Variants in SNTG1 observed in about 807,000 individuals in gnomAD.
The protein encoded by SNTG1 is syntrophin gamma 1.
SNTG1 carries 39 observed loss-of-function variants against 74.7 expected under a neutral mutation model. The observed-to-expected ratio is 0.52, with a 90% CI of 0.40 to 0.68. SNTG1 has a LOEUF of 0.68. SNTG1 is among the 30% of genes least tolerant of loss of function. SNTG1 has a pLI of 0.00. For synonymous variants in SNTG1, 254 were observed against 217.1 expected (o/e 1.17, Z -1.49); for missense variants, 685 against 609.5 (o/e 1.12, Z -1.30).
intron 4 of SNTG1, among the ~76,000 whole-genome samples, chr8:50,426,484 A>G (rs1053514377): frequency 1.3e-5 from 2 of 151,758 alleles, no homozygotes; most frequent in African/African-American, 4.8e-5. Flanking sequence ...AAAAAGGCTT[A>G]TAGAGTAAGA....
At chr8:50,082,019 C>T (rs1360593116) in intron 1 of SNTG1, among the ~76,000 whole-genome samples, 1 of 152,150 alleles carries the variant, frequency 6.6e-6, no homozygotes, top group Non-Finnish European at 1.5e-5. Flanking sequence ...ATTCTTTCTT[C>T]TCCTATCTCA....
intron 4 of SNTG1, among the ~76,000 whole-genome samples, chr8:50,408,935 G>T (rs1360561022): frequency 6.6e-6 from 1 of 152,168 alleles, no homozygotes; most frequent in Non-Finnish European, 1.5e-5. Flanking sequence ...AGAATTAAGA[G>T]AGGAAACAGG....
At chr8:50,062,008 A>G (rs1820515921) in intron 1 of SNTG1, among the ~76,000 whole-genome samples, 1 of 152,026 alleles carries the variant, frequency 6.6e-6, no homozygotes, top group African/African-American at 2.4e-5. Flanking sequence ...CTCTTTATCA[A>G]TTATATCAGA....
chr8:50,570,813 T>A (rs961182637), intron 12 of SNTG1, among the ~76,000 whole-genome samples: 3 of 151,254 alleles, frequency 2.0e-5, no homozygotes, highest in Non-Finnish European at 1.5e-5. Flanking sequence ...ACCACGTTGG[T>A]CAGGATGGTC....
chr8:50,028,239 A>T (rs1329703115), intron 1 of SNTG1, among the ~76,000 whole-genome samples: 1 of 152,152 alleles, frequency 6.6e-6, no homozygotes, highest in East Asian at 1.9e-4. Context: ...TTGACTTTCC[A>T]TATTCAGCTT....
intron 12 of SNTG1, among the ~76,000 whole-genome samples, chr8:50,578,868 G>A (rs2016596): frequency 0.2 from 30,947 of 152,076 alleles, 5,324 homozygotes; most frequent in African/African-American, 0.47. Context: ...GTCTTAATTA[G>A]CAGTGTGAAG....
rs529230699 is a variant in SNTG1, at chr8:50,653,771, G to T, written c.850-3138G>T. Among the ~76,000 whole-genome samples, 40 of 152,118 alleles carry T rather than the reference G, an allele frequency of 2.6e-4. No homozygotes were observed. In the East Asian group the frequency reaches 7.5e-3, roughly 29 times the overall value. ...TTTGTACGCCCTTGAATGTTCTTTG[G>T]ATACTTTTCAAGGATCTAGAAGGTC... On this transcript the variant is annotated intron_variant, in intron 13 of 18. Transcript: ENST00000642720.
At chr8:50,264,534 C>A (rs1467105759) in intron 2 of SNTG1, among the ~76,000 whole-genome samples, 1 of 151,190 alleles carries the variant, frequency 6.6e-6, no homozygotes, top group Non-Finnish European at 1.5e-5. Context: ...CGCACCACTG[C>A]ACTCCAGCCT....
rs534702340 is a variant in SNTG1, at chr8:50,166,965, C to T, written c.-102-5596C>T. ...CCATAAAAAATGATGAGTTCATGTC[C>T]TTTGTAGGGACATGGATAAAATTGG... On this transcript the variant is annotated intron_variant, in intron 1 of 18. Coordinates refer to ENST00000642720, the MANE Select transcript of SNTG1 (RefSeq NM_018967.5). 5.6e-3 allele frequency among the ~76,000 whole-genome samples: 826 copies of T among 147,250 alleles called. 14 individuals are homozygous for T. The highest frequency in any genetic ancestry group is 4.1e-3 in the Non-Finnish European group (274 of 67,368).
At chr8:50,182,490 G>T (rs1055545401) in intron 2 of SNTG1, among the ~76,000 whole-genome samples, 1 of 151,884 alleles carries the variant, frequency 6.6e-6, no homozygotes, top group Non-Finnish European at 1.5e-5. Flanking sequence ...GAGATAAATA[G>T]GTACAAGATG....
At chr8:49,993,477 T>C (rs552902753) in intron 1 of SNTG1, among the ~76,000 whole-genome samples, 1 of 152,156 alleles carries the variant, frequency 6.6e-6, no homozygotes, top group Admixed American at 6.6e-5. Flanking sequence ...GCCATGGTGG[T>C]TTGCTGCACC....
intron 7 of SNTG1, 22 bp from the exon 8 acceptor site, chr8:50,450,666 T>C: frequency 6.2e-7 from 1 of 1,613,460 alleles, no homozygotes; most frequent in Non-Finnish European, 8.5e-7. Flanking sequence ...CATGGGAAAC[T>C]ATGCTTTTCT....
chr8:50,376,655 A>C (rs2131191073), intron 2 of SNTG1, among the ~76,000 whole-genome samples: 1 of 149,704 alleles, frequency 6.7e-6, no homozygotes, highest in East Asian at 2.0e-4. Flanking sequence ...TGCTTCCATG[A>C]ATCCCAGGAC....
chr8:50,505,906 T>C (rs965361601), intron 9 of SNTG1, among the ~76,000 whole-genome samples: 1 of 152,094 alleles, frequency 6.6e-6, no homozygotes, highest in African/African-American at 2.4e-5. Context: ...TTTGGTGTCA[T>C]ATTCAGAAAA....
intron 18 of SNTG1, among the ~76,000 whole-genome samples, chr8:50,774,441 T>C (rs2095634854): frequency 6.6e-6 from 1 of 151,732 alleles, no homozygotes. Context: ...TAGAAGGTAA[T>C]AGAACGGCAC....
chr8:50,299,481 G>A (rs1361097284), intron 2 of SNTG1, among the ~76,000 whole-genome samples: 1 of 152,000 alleles, frequency 6.6e-6, no homozygotes, highest in Non-Finnish European at 1.5e-5. Flanking sequence ...ATAGTCTTTT[G>A]GGGAACAAAG....
At chr8:50,066,604 C>A (rs980811466) in intron 1 of SNTG1, among the ~76,000 whole-genome samples, 2 of 152,134 alleles carry the variant, frequency 1.3e-5, no homozygotes, top group African/African-American at 4.8e-5. Flanking sequence ...TGTTTCCAGG[C>A]AGAAATGAAC....
chr8:49,984,717 G>A (rs997857717), intron 1 of SNTG1, among the ~76,000 whole-genome samples: 2 of 152,016 alleles, frequency 1.3e-5, no homozygotes, highest in African/African-American at 2.4e-5. Context: ...TTGAAGAATC[G>A]ATACTTTATA....
chr8:50,336,083 G>T (rs2091133313), intron 2 of SNTG1, among the ~76,000 whole-genome samples: 1 of 152,094 alleles, frequency 6.6e-6, no homozygotes, highest in African/African-American at 2.4e-5. Flanking sequence ...AGTATTATGT[G>T]TTGGGTATAG....
Sources: gnomAD v4.1 joint callset for allele counts (sites outside exome capture counted in the v4.1 genomes callset) on GRCh38, gnomAD v4.1.1 for gene constraint, MANE v1.5 for transcripts, NCBI Gene and HGNC (gene_info 2026-07-23, HGNC 2026-07-21) for gene names.